Variants in MAGI2 observed in about 807,000 individuals in gnomAD.
MAGI2 encodes the protein membrane associated guanylate kinase, WW and PDZ domain containing 2.
In MAGI2, 35 loss-of-function variants were observed where a neutral mutation model predicts 133.3. That is an observed-to-expected ratio of 0.26 (90% CI 0.20 to 0.35). The LOEUF (loss-of-function observed/expected upper bound fraction) is 0.35, where lower values mean the gene tolerates loss of function less well. MAGI2 is among the 10% of genes least tolerant of loss of function. The pLI, the probability that MAGI2 is intolerant of heterozygous loss-of-function variation, is 1.00. For missense variants in MAGI2, 1,636 were observed against 1,863.4 expected (o/e 0.88, Z 2.25); for synonymous variants, 729 against 710.6 (o/e 1.03, Z -0.41).
intron 2 of MAGI2, among the ~76,000 whole-genome samples, chr7:78,863,496 G>T (rs1207510806): frequency 6.6e-6 from 1 of 152,174 alleles, no homozygotes; most frequent in African/African-American, 2.4e-5. Context: ...CTAATCAAGT[G>T]AGCACTCACT....
chr7:78,395,874 T>C (rs1476221701), intron 6 of MAGI2, among the ~76,000 whole-genome samples: 10 of 152,172 alleles, frequency 6.6e-5, no homozygotes, highest in Non-Finnish European at 8.8e-5. Context: ...GGACTAAAAA[T>C]AGATATTATC....
chr7:79,235,986 C>T (rs1388280007), intron 1 of MAGI2, among the ~76,000 whole-genome samples: 3 of 152,118 alleles, frequency 2.0e-5, no homozygotes. Flanking sequence ...ATGGAGAAGT[C>T]CAGCCACATC....
chr7:79,391,508 CATATATATATAT>C (rs1286692402), intron 1 of MAGI2, among the ~76,000 whole-genome samples: 15 of 69,180 alleles, frequency 2.2e-4, no homozygotes, highest in African/African-American at 1.0e-3. Context: ...TATATATAGA[CATATATATATAT>C]ATATATATAT....
Position 78,684,162 on chromosome 7 carries a change from A to G in MAGI2, c.419-56923T>C, listed in dbSNP as rs553868029. On this transcript the variant is annotated intron_variant, in intron 2 of 21. Coordinates refer to ENST00000354212, the MANE Select transcript of MAGI2 (RefSeq NM_012301.4). The stretch of plus-strand genomic sequence containing the variant: ...AATACTAAACATTGTCCAGAAAAAG[A>G]GCCTAAACATAAATCTGTATTATAC... Among the ~76,000 whole-genome samples the G allele has an allele frequency of 3.9e-5, 6 of 152,328 alleles. No individual in the cohort carries two copies. The East Asian group carries it at 1.2e-3, about 29-fold the overall frequency.
chr7:78,189,332 A>T (rs1471361638), intron 12 of MAGI2, among the ~76,000 whole-genome samples: 1 of 152,162 alleles, frequency 6.6e-6, no homozygotes, highest in Non-Finnish European at 1.5e-5. Flanking sequence ...CTTCTCCATT[A>T]TACTCTTGAA....
intron 7 of MAGI2, among the ~76,000 whole-genome samples, chr7:78,366,664 A>G (rs1266090610): frequency 2.6e-5 from 4 of 152,228 alleles, no homozygotes; most frequent in African/African-American, 9.6e-5. Flanking sequence ...TGTATACATC[A>G]TATACAATAA....
intron 1 of MAGI2, among the ~76,000 whole-genome samples, chr7:79,083,197 T>C (rs1419129524): frequency 6.6e-6 from 1 of 151,656 alleles, no homozygotes; most frequent in African/African-American, 2.4e-5. Context: ...ATGCTCTTGC[T>C]GGGCTCTCCA....
intron 21 of MAGI2, among the ~76,000 whole-genome samples, chr7:78,049,094 T>G (rs1203042716): frequency 7.6e-6 from 1 of 130,960 alleles, no homozygotes; most frequent in Non-Finnish European, 1.6e-5. Context: ...CGCAACAGAG[T>G]GAGACTCCAC....
intron 3 of MAGI2, among the ~76,000 whole-genome samples, chr7:78,557,166 G>A (rs1799929891): frequency 6.7e-6 from 1 of 150,368 alleles, no homozygotes; most frequent in African/African-American, 2.5e-5. Context: ...ATTTGCCCAA[G>A]TACACACAAA....
chr7:78,127,109 T>G, intron 19 of MAGI2, 88 bp downstream of exon 19: 2 of 1,052,828 alleles, frequency 1.9e-6, no homozygotes, highest in Non-Finnish European at 2.8e-6. Context: ...CCCAGACAGG[T>G]ACTCTTTCCT....
At chr7:78,446,978 G>A (rs1372836549) in intron 6 of MAGI2, among the ~76,000 whole-genome samples, 1 of 151,988 alleles carries the variant, frequency 6.6e-6, no homozygotes, top group Non-Finnish European at 1.5e-5. Flanking sequence ...AGAAGGATCA[G>A]TCATTTTGAT....
At chr7:79,360,568 TA>T (rs1454343688) in intron 1 of MAGI2, among the ~76,000 whole-genome samples, 2 of 151,956 alleles carry the variant, frequency 1.3e-5, no homozygotes, top group African/African-American at 4.8e-5. Context: ...CAACAATATT[TA>T]AAAGCGGGGT....
At chr7:78,900,846 CAATA>C (rs1168218413) in intron 2 of MAGI2, among the ~76,000 whole-genome samples, 1 of 151,986 alleles carries the variant, frequency 6.6e-6, no homozygotes, top group Non-Finnish European at 1.5e-5. Flanking sequence ...AGTGGGAACT[CAATA>C]AATACTTGTT....
chr7:78,834,017 G>T (rs1791411107), intron 2 of MAGI2, among the ~76,000 whole-genome samples: 1 of 152,054 alleles, frequency 6.6e-6, no homozygotes, highest in Non-Finnish European at 1.5e-5. Context: ...TCAGTTTTTG[G>T]AGATGGAGTC....
chr7:79,245,955 G>A (rs1832794888), intron 1 of MAGI2, among the ~76,000 whole-genome samples: 1 of 152,150 alleles, frequency 6.6e-6, no homozygotes, highest in Non-Finnish European at 1.5e-5. Flanking sequence ...TTAACAGAAA[G>A]TGAGAGAAGA....
At chr7:79,328,724 T>G (rs958731347) in intron 1 of MAGI2, among the ~76,000 whole-genome samples, 5 of 152,188 alleles carry the variant, frequency 3.3e-5, no homozygotes, top group Admixed American at 6.5e-5. Context: ...GAATTGGTAT[T>G]AATATTTAGC....
intron 1 of MAGI2, among the ~76,000 whole-genome samples, chr7:79,046,134 G>A (rs1562828444): frequency 6.6e-6 from 1 of 152,144 alleles, no homozygotes; most frequent in Non-Finnish European, 1.5e-5. Context: ...GATTTGTTAT[G>A]GAGTAGGGTT....
intron 2 of MAGI2, among the ~76,000 whole-genome samples, chr7:78,696,433 G>GTA (rs1023503277): frequency 6.6e-6 from 1 of 152,134 alleles, no homozygotes; most frequent in African/African-American, 2.4e-5. Flanking sequence ...TCAACAAGGA[G>GTA]TACATTAATC....
At chr7:78,486,513 A>T in intron 6 of MAGI2, 1 of 204,024 alleles carries the variant, frequency 4.9e-6, no homozygotes, top group South Asian at 1.0e-4. Context: ...AGTATACAAA[A>T]CTCGCCCTGG....
Sources: allele counts gnomAD v4.1 joint callset (sites outside exome capture counted in the v4.1 genomes callset), GRCh38; gene constraint gnomAD v4.1.1; transcripts MANE v1.5; gene names NCBI Gene and HGNC (gene_info 2026-07-23, HGNC 2026-07-21).